Variants in ERG observed in about 807,000 individuals in gnomAD.
ERG encodes ETS transcription factor ERG, also known as transcriptional regulator ERG.
In ERG, 9 loss-of-function variants were observed where a neutral mutation model predicts 55.3. The observed-to-expected ratio is 0.16, with a 90% confidence interval of 0.10 to 0.28. The LOEUF is 0.28. Among genes scored for constraint, ERG ranks in the 10% least tolerant of loss-of-function variants. The probability of loss-of-function intolerance (pLI) is 1.00; values close to 1 mark genes in which losing one functional copy is unlikely to be tolerated. For missense variants in ERG, 434 were observed against 631.6 expected, an observed-to-expected ratio of 0.69 and a Z score of 3.35; for synonymous variants, 223 against 237.3, an observed-to-expected ratio of 0.94 and a Z score of 0.55.
chr21:38,475,407 T>C (rs2059178181), intron 1 of ERG, among the ~76,000 whole-genome samples: 2 of 152,176 alleles, frequency 1.3e-5, no homozygotes, highest in African/African-American at 4.8e-5. Context: ...TCCAGGACTG[T>C]GCCCGATTAC....
intron 1 of ERG, among the ~76,000 whole-genome samples, chr21:38,480,235 C>T (rs182214303): frequency 1.2e-4 from 18 of 152,248 alleles, no homozygotes; most frequent in African/African-American, 4.1e-4. Context: ...TCATTTATTT[C>T]TAGAAATGGC....
chr21:38,533,156 A>C (rs1333032637), intron 2 of ERG, among the ~76,000 whole-genome samples: 2 of 152,228 alleles, frequency 1.3e-5, no homozygotes, highest in Non-Finnish European at 2.9e-5. Flanking sequence ...GGTCACAGGT[A>C]AATGAAAATC....
chr21:38,413,587 A>G (rs1766479413), intron 3 of ERG, among the ~76,000 whole-genome samples: 2 of 152,232 alleles, frequency 1.3e-5, no homozygotes, highest in African/African-American at 4.8e-5. Flanking sequence ...ATTTAAAAAT[A>G]CATGACTAAA....
At position 38,528,730 on chromosome 21, in the gene ERG, G is replaced by A. The variant is rs1239220669; in HGVS notation, c.-41+46932C>T. Among the ~76,000 whole-genome samples, 2 of 39,918 alleles carry A rather than the reference G, an allele frequency of 5.0e-5. 1 individual carries two copies. Among genetic ancestry groups the A allele is most frequent in the Non-Finnish European group, 1.6e-4 (2 of 12,632 alleles). 26.2% of individuals were successfully genotyped at this position (39,918 alleles called of 152,430 possible). On this transcript the variant is annotated intron_variant, in intron 2 of 8. Transcript: ENST00000398897. ...CCCAAAGTGCTGGGATTACAGGCGT[G>A]AGCCACCGCGCCCGGCCCATAGCAA...
At chr21:38,375,017 G>C in the ERG span, among the ~76,000 whole-genome samples, 2 of 152,010 alleles carry the variant, frequency 1.3e-5, no homozygotes, top group South Asian at 4.1e-4. Flanking sequence ...AGCCTTTCCT[G>C]CTCAGCCCAC....
chr21:38,448,718 C>A (rs569564957), intron 1 of ERG, among the ~76,000 whole-genome samples: 1 of 152,206 alleles, frequency 6.6e-6, no homozygotes, highest in Non-Finnish European at 1.5e-5. Context: ...ACATCTTTGT[C>A]CTCCCACTTG....
intron 2 of ERG, among the ~76,000 whole-genome samples, chr21:38,527,579 C>T (rs1210570577): frequency 6.6e-6 from 1 of 152,132 alleles, no homozygotes; most frequent in Non-Finnish European, 1.5e-5. Context: ...GAAGAGGAGG[C>T]GTTGATTGCA....
chr21:38,619,610 G>A (rs907512816), intron 1 of ERG, among the ~76,000 whole-genome samples: 1 of 152,218 alleles, frequency 6.6e-6, no homozygotes, highest in African/African-American at 2.4e-5. Context: ...CAATGTATTG[G>A]TGAATCTATT....
chr21:38,377,897 G>A (rs766353790), downstream of ERG, among the ~76,000 whole-genome samples: 1 of 152,184 alleles, frequency 6.6e-6, no homozygotes, highest in Non-Finnish European at 1.5e-5. Context: ...GTGTGCTGTA[G>A]GGGGTGGTCT....
At chr21:38,535,446 T>C (rs1004853484) in intron 2 of ERG, among the ~76,000 whole-genome samples, 1 of 152,296 alleles carries the variant, frequency 6.6e-6, no homozygotes, top group Admixed American at 6.5e-5. Flanking sequence ...AAAATAAAGA[T>C]TAAATTAAAA....
At chr21:38,491,398 G>C (rs936232603) in intron 1 of ERG, among the ~76,000 whole-genome samples, 1 of 152,134 alleles carries the variant, frequency 6.6e-6, no homozygotes, top group Non-Finnish European at 1.5e-5. Flanking sequence ...AAAAAAACCA[G>C]CAAGGGAGAT....
chr21:38,589,386 G>A (rs8134349), upstream of ERG, among the ~76,000 whole-genome samples: 26,974 of 152,148 alleles, frequency 0.18, 2,692 homozygotes, highest in Middle Eastern at 0.27. Context: ...GGCAGCAGAC[G>A]TAACTGGCTG....
chr21:38,390,387 C>T (rs1442380593), intron 9 of ERG, among the ~76,000 whole-genome samples: 1 of 152,100 alleles, frequency 6.6e-6, no homozygotes. Context: ...ATTGTGTTCC[C>T]TCAATTCCCT....
intron 1 of ERG, among the ~76,000 whole-genome samples, chr21:38,606,365 T>C (rs1215764472): frequency 6.6e-6 from 1 of 152,168 alleles, no homozygotes; most frequent in East Asian, 1.9e-4. Context: ...TCAACACCCC[T>C]AGGGCTCTGG....
chr21:38,628,139 A>G (rs935427653), intron 1 of ERG, among the ~76,000 whole-genome samples: 8 of 152,016 alleles, frequency 5.3e-5, no homozygotes, highest in Admixed American at 1.3e-4. Flanking sequence ...TTGTAGAGAC[A>G]GGGTTTTGCG....
chr21:38,382,906 A>G lies in ERG; in HGVS notation c.*497T>C. The G allele has an allele frequency of 9.4e-7, 1 of 1,066,610 alleles. No homozygotes were observed. The highest frequency in any genetic ancestry group is 1.6e-5 in the African/African-American group (1 of 61,248). 66.1% of individuals were successfully genotyped at this position (1,066,610 alleles called of 1,614,324 possible). A position where few individuals can be genotyped will look rare whatever the true frequency, so the allele number is the denominator to read the frequency against. ...TGCAGTTGCATATCAACGTCTGTTG[A>G]TGGGCCACAGTCTCTCTCGTGTCTT... On this transcript the variant is annotated 3_prime_UTR_variant, in exon 10 of 10. Coordinates refer to ENST00000288319, the MANE Select transcript of ERG (RefSeq NM_182918.4).
chr21:38,615,313 C>T (rs1279146408), intron 1 of ERG, among the ~76,000 whole-genome samples: 3 of 152,074 alleles, frequency 2.0e-5, no homozygotes, highest in Non-Finnish European at 4.4e-5. Flanking sequence ...TGGGGAGATG[C>T]GGAATTACCT....
At chr21:38,596,837 C>T (rs2060134205) in intron 1 of ERG, among the ~76,000 whole-genome samples, 1 of 152,130 alleles carries the variant, frequency 6.6e-6, no homozygotes, top group African/African-American at 2.4e-5. Flanking sequence ...GGAGAGGTTC[C>T]CCACAGTGGT....
intron 2 of ERG, among the ~76,000 whole-genome samples, chr21:38,571,158 T>C (rs987977076): frequency 2.0e-5 from 3 of 152,076 alleles, no homozygotes; most frequent in South Asian, 2.1e-4. Flanking sequence ...CTTCAGAGAG[T>C]TGTATCTTCA....
Sources: gnomAD v4.1 joint callset for allele counts (sites outside exome capture counted in the v4.1 genomes callset) on GRCh38, gnomAD v4.1.1 for gene constraint, MANE v1.5 for transcripts, NCBI Gene and HGNC (gene_info 2026-07-23, HGNC 2026-07-21) for gene names.